GRHL2: variants seen among roughly 807,000 people sequenced by gnomAD.
The protein encoded by GRHL2 is grainyhead-like protein 2 homolog.
Under a neutral mutation model 83.8 loss-of-function variants are expected in GRHL2, and 21 were observed. The observed-to-expected ratio is 0.25, with a 90% CI of 0.18 to 0.36. GRHL2 has a LOEUF of 0.36. Among genes scored for constraint, GRHL2 ranks in the 10% least tolerant of loss-of-function variants. The pLI is 1.00. For missense variants in GRHL2, 623 were observed against 781.8 expected (o/e 0.80, Z 2.42); for synonymous variants, 280 against 278.9 (o/e 1.00, Z -0.04).
chr8:101,518,772 G>A (rs1478377301), intron 1 of GRHL2, among the ~76,000 whole-genome samples: 1 of 152,128 alleles, frequency 6.6e-6, no homozygotes, highest in Non-Finnish European at 1.5e-5. Flanking sequence ...TTCCATCTCT[G>A]CTAAAGTCTG....
intron 7 of GRHL2, among the ~76,000 whole-genome samples, chr8:101,584,717 A>G (rs2130265365): frequency 6.6e-6 from 1 of 152,312 alleles, no homozygotes; most frequent in East Asian, 1.9e-4. Context: ...CTATGCAGAA[A>G]AGTGGGAGGG....
At chr8:101,616,408 T>A (rs1812859291) in intron 8 of GRHL2, among the ~76,000 whole-genome samples, 1 of 152,120 alleles carries the variant, frequency 6.6e-6, no homozygotes, top group South Asian at 2.1e-4. Context: ...TGACCTCTGG[T>A]GATCCACCCG....
At chr8:101,493,768 G>T (rs688757) in intron 1 of GRHL2, among the ~76,000 whole-genome samples, 116,199 of 151,872 alleles carry the variant, frequency 0.77, 47,683 homozygotes, top group Non-Finnish European at 0.93. Context: ...CGTCCTTCCC[G>T]TCCCGGACAG....
chr8:101,611,192 T>A (rs1368163494), intron 8 of GRHL2, among the ~76,000 whole-genome samples: 1 of 151,084 alleles, frequency 6.6e-6, no homozygotes, highest in East Asian at 1.9e-4. Context: ...ATGTCAGTGC[T>A]CTGAAGTCGT....
chr8:101,635,873 G>A (rs183816959), intron 11 of GRHL2, among the ~76,000 whole-genome samples: 2 of 152,284 alleles, frequency 1.3e-5, no homozygotes, highest in African/African-American at 4.8e-5. Context: ...TTTGTAACTA[G>A]GTCTAGGCTT....
chr8:101,494,072 T>C (rs992845575), intron 1 of GRHL2, among the ~76,000 whole-genome samples: 4 of 152,136 alleles, frequency 2.6e-5, no homozygotes, highest in African/African-American at 9.7e-5. Flanking sequence ...GCCCTTTTGC[T>C]TTCCCCGGTA....
chr8:101,579,440 CAT>C (rs1482761351), intron 7 of GRHL2, among the ~76,000 whole-genome samples: 3 of 152,168 alleles, frequency 2.0e-5, no homozygotes, highest in Admixed American at 6.5e-5. Flanking sequence ...TCTGTATACA[CAT>C]GTGTCCCCAT....
At chr8:101,622,803 G>A (rs1055158072) in intron 9 of GRHL2, among the ~76,000 whole-genome samples, 4 of 152,164 alleles carry the variant, frequency 2.6e-5, no homozygotes, top group Non-Finnish European at 5.9e-5. Flanking sequence ...AGTACACACT[G>A]CATGATATTT....
intron 4 of GRHL2, among the ~76,000 whole-genome samples, chr8:101,560,494 C>A (rs1586095763): frequency 6.6e-6 from 1 of 152,312 alleles, no homozygotes; most frequent in East Asian, 1.9e-4. Flanking sequence ...TCAACATGGA[C>A]ATATGCTTTC....
intron 7 of GRHL2, among the ~76,000 whole-genome samples, chr8:101,594,823 A>G (rs1264709073): frequency 6.6e-6 from 1 of 152,242 alleles, no homozygotes; most frequent in Admixed American, 6.5e-5. Flanking sequence ...TTAAGAACTG[A>G]GAAAGCAGCA....
At chr8:101,554,272 G>A (rs564540354) in intron 3 of GRHL2, among the ~76,000 whole-genome samples, 64 of 152,248 alleles carry the variant, frequency 4.2e-4, no homozygotes, top group African/African-American at 1.4e-3. Context: ...GGACCTCGCT[G>A]GAAGAAGAGG....
intron 9 of GRHL2, among the ~76,000 whole-genome samples, chr8:101,623,732 AAC>A (rs1050269199): frequency 2.7e-5 from 4 of 150,104 alleles, no homozygotes; most frequent in African/African-American, 9.8e-5. Flanking sequence ...TACACAGTAA[AAC>A]AGTTCACAGT....
intron 7 of GRHL2, among the ~76,000 whole-genome samples, chr8:101,578,875 A>G (rs1586113509): frequency 6.6e-6 from 1 of 152,292 alleles, no homozygotes; most frequent in South Asian, 2.1e-4. Flanking sequence ...GTAGAAGACA[A>G]TGAAACTAGT....
At chr8:101,582,739 G>A (rs193099818) in intron 7 of GRHL2, among the ~76,000 whole-genome samples, 65 of 152,324 alleles carry the variant, frequency 4.3e-4, no homozygotes, top group African/African-American at 1.3e-3. Flanking sequence ...GCAGAGGAAC[G>A]TCACTAAGCC....
chr8:101,680,004 G>A, the GRHL2 span, among the ~76,000 whole-genome samples: 1 of 118,096 alleles, frequency 8.5e-6, no homozygotes, highest in East Asian at 2.4e-4. Flanking sequence ...AGACTAGGAA[G>A]AAACTGCATC....
In GRHL2 at chr8:101,507,892, C is replaced by G. The variant is rs1810373825; in HGVS notation, c.20+15103C>G. On this transcript the variant is annotated intron_variant, in intron 1 of 15. Transcript: ENST00000646743. ...TCCCGGGTTCAAGCAATTTTCGTGC[C>G]TTAGCCTCTTGAATCTCTTAGCTGA... Among the ~76,000 whole-genome samples, 5 of 134,848 alleles carry G rather than the reference C, an allele frequency of 3.7e-5. No individual in the cohort carries two copies. The South Asian group carries it at 1.1e-3, about 30-fold the overall frequency. 88.5% of individuals were successfully genotyped at this position (134,848 alleles called of 152,430 possible).
rs553243885 is a variant in GRHL2, at chr8:101,526,404, A to G, written c.21-16837A>G. ...TGACTGAGTTATTTGGATTTTCCAA[A>G]TGTTAATGTGCTTCATGATACATTA... is the stretch of plus-strand genomic sequence containing the variant. On this transcript the variant is annotated intron_variant, in intron 1 of 15. Coordinates refer to ENST00000646743, the MANE Select transcript of GRHL2 (RefSeq NM_024915.4). 3.6e-4 allele frequency among the ~76,000 whole-genome samples: 55 copies of G among 152,318 alleles called. No homozygotes were observed. The South Asian group carries it at 3.9e-3, about 11-fold the overall frequency.
At chr8:101,666,058 G>T (rs192550279) in intron 15 of GRHL2, among the ~76,000 whole-genome samples, 2 of 152,320 alleles carry the variant, frequency 1.3e-5, no homozygotes, top group East Asian at 3.9e-4. Flanking sequence ...GTTGAGGTCA[G>T]TTTTCTCATT....
chr8:101,538,091 G>A (rs1811082519), intron 1 of GRHL2, among the ~76,000 whole-genome samples: 1 of 152,120 alleles, frequency 6.6e-6, no homozygotes, highest in Non-Finnish European at 1.5e-5. Flanking sequence ...ATTGCGTGAC[G>A]GGCACTGTCC....
Sources: gnomAD v4.1 joint callset for allele counts (sites outside exome capture counted in the v4.1 genomes callset) on GRCh38, gnomAD v4.1.1 for gene constraint, MANE v1.5 for transcripts, NCBI Gene and HGNC (gene_info 2026-07-23, HGNC 2026-07-21) for gene names.